Variants in PSD3 observed in about 807,000 individuals in gnomAD.
PSD3 encodes PH and SEC7 domain-containing protein 3.
In PSD3, 49 loss-of-function variants were observed where a neutral mutation model predicts 105.5. The observed-to-expected ratio is 0.46, with a 90% CI of 0.37 to 0.59. The LOEUF is 0.59. Ranked by LOEUF, PSD3 falls within the 20% of genes least tolerant of loss-of-function variation. The pLI is 0.00. For synonymous variants in PSD3, 557 were observed against 457.8 expected (o/e 1.22, Z -2.77); for missense variants, 1,561 against 1,263.8 (o/e 1.24, Z -3.57).
chr8:18,569,107 T>G (rs987129085), intron 14 of PSD3, among the ~76,000 whole-genome samples: 2 of 130,384 alleles, frequency 1.5e-5, no homozygotes, highest in Non-Finnish European at 3.3e-5. Context: ...AGTCTATCGT[T>G]GTTGGACATT....
chr8:18,702,950 T>C (rs1801677700), intron 9 of PSD3, among the ~76,000 whole-genome samples: 1 of 152,164 alleles, frequency 6.6e-6, no homozygotes, highest in Admixed American at 6.5e-5. Flanking sequence ...TTTACTGCTT[T>C]GTGTAGTGCC....
At chr8:18,645,828 T>G (rs764942458) in intron 10 of PSD3, among the ~76,000 whole-genome samples, 1 of 152,214 alleles carries the variant, frequency 6.6e-6, no homozygotes, top group African/African-American at 2.4e-5. Context: ...CAACAATAAA[T>G]GAATGCATTA....
intron 15 of PSD3, among the ~76,000 whole-genome samples, chr8:18,537,183 T>C (rs755549307): frequency 9.2e-5 from 14 of 152,234 alleles, no homozygotes; most frequent in Non-Finnish European, 4.4e-5. Context: ...ATGACATTTA[T>C]TGAGTACCAA....
chr8:18,586,469 T>C (rs1008769080), intron 12 of PSD3, among the ~76,000 whole-genome samples: 1 of 152,196 alleles, frequency 6.6e-6, no homozygotes, highest in South Asian at 2.1e-4. Context: ...TTGAGAAGTC[T>C]TGATGAAAGG....
chr8:18,636,678 A>C (rs1585457994), intron 10 of PSD3, among the ~76,000 whole-genome samples: 1 of 152,160 alleles, frequency 6.6e-6, no homozygotes, highest in Non-Finnish European at 1.5e-5. Context: ...CTTTAATGCC[A>C]TATTTGTTGC....
intron 8 of PSD3, among the ~76,000 whole-genome samples, chr8:18,798,030 C>G (rs574445203): frequency 6.6e-6 from 1 of 152,256 alleles, no homozygotes; most frequent in African/African-American, 2.4e-5. Flanking sequence ...TGAAAACTTG[C>G]TTGGCCAGTA....
chr8:18,666,664 G>A (rs1189816023), intron 9 of PSD3, among the ~76,000 whole-genome samples: 5 of 150,160 alleles, frequency 3.3e-5, no homozygotes, highest in Non-Finnish European at 7.4e-5. Context: ...AGGTAAGCTA[G>A]CACTCAGCTG....
At chr8:18,987,361 C>T (rs1039130498) in intron 1 of PSD3, among the ~76,000 whole-genome samples, 1 of 151,946 alleles carries the variant, frequency 6.6e-6, no homozygotes, top group Non-Finnish European at 1.5e-5. Flanking sequence ...AATCTCGGCT[C>T]ACTGCAAGCT....
intron 2 of PSD3, among the ~76,000 whole-genome samples, chr8:18,910,684 A>T (rs1007217505): frequency 2.0e-5 from 3 of 150,966 alleles, no homozygotes. Flanking sequence ...CCCAGGCCAT[A>T]TCCTCTTTCT....
At chr8:18,669,151 A>G (rs116052333) in intron 9 of PSD3, among the ~76,000 whole-genome samples, 3 of 152,320 alleles carry the variant, frequency 2.0e-5, no homozygotes, top group East Asian at 3.9e-4. Context: ...TACAATGACC[A>G]CAACAAATAT....
intron 1 of PSD3, among the ~76,000 whole-genome samples, chr8:18,982,775 G>T (rs1314160059): frequency 1.3e-5 from 2 of 152,224 alleles, no homozygotes; most frequent in African/African-American, 4.8e-5. Context: ...TAGACGTCCT[G>T]TCATACAGGC....
chr8:18,829,144 G>C (rs1813468885), intron 4 of PSD3, among the ~76,000 whole-genome samples: 1 of 152,086 alleles, frequency 6.6e-6, no homozygotes, highest in South Asian at 2.1e-4. Context: ...CTCCTAACGA[G>C]GCTGAGACAG....
chr8:18,799,353 T>C lies in PSD3; in HGVS notation c.2024A>G (p.Asp675Gly), dbSNP rs376601587. 7.5e-6 allele frequency: 12 copies of C among 1,596,806 alleles called. No homozygotes were observed. Among genetic ancestry groups the C allele is most frequent in the African/African-American group, 1.4e-5 (1 of 71,622 alleles). The change falls in exon 8 of 16, where the codon GAT becomes GGT. Residue 675 changes from aspartate (D) to glycine (G), a missense_variant and splice_region_variant. Coordinates refer to ENST00000327040, the MANE Select transcript of PSD3 (RefSeq NM_015310.4). ...YCNPDTIASQ[D>G]GVHCLTCAIM... Reference sequence around the variant, plus strand: ...TGCACAGGTAAGGCAATGGACTCCATCTAAAGAAAGATACAAGAAAAAAAA... The same window carrying C: ...TGCACAGGTAAGGCAATGGACTCCACCTAAAGAAAGATACAAGAAAAAAAA...
intron 9 of PSD3, among the ~76,000 whole-genome samples, chr8:18,659,193 C>T (rs1444755091): frequency 6.6e-6 from 1 of 152,104 alleles, no homozygotes; most frequent in African/African-American, 2.4e-5. Flanking sequence ...CGCAGCCTCC[C>T]CTATTTGTAT....
intron 9 of PSD3, among the ~76,000 whole-genome samples, chr8:18,744,192 G>C (rs1227541279): frequency 6.6e-6 from 1 of 152,112 alleles, no homozygotes; most frequent in Non-Finnish European, 1.5e-5. Flanking sequence ...TATGTGCCAA[G>C]TATCATCCTG....
intron 1 of PSD3, among the ~76,000 whole-genome samples, chr8:19,040,130 C>A (rs1435401637): frequency 6.6e-6 from 1 of 152,204 alleles, no homozygotes; most frequent in Non-Finnish European, 1.5e-5. Flanking sequence ...CAGGAACGAT[C>A]TCAAGATTCC....
intron 9 of PSD3, among the ~76,000 whole-genome samples, chr8:18,750,501 C>T (rs952647504): frequency 2.0e-5 from 3 of 152,040 alleles, no homozygotes; most frequent in Non-Finnish European, 4.4e-5. Context: ...ATAAAAGCAG[C>T]GTGGACCCAA....
At chr8:18,893,350 A>G (rs369007201) in intron 2 of PSD3, among the ~76,000 whole-genome samples, 4 of 152,220 alleles carry the variant, frequency 2.6e-5, no homozygotes, top group East Asian at 3.8e-4. Flanking sequence ...CCCTAAAAGT[A>G]GAAAAGTCAC....
chr8:19,076,114 G>T (rs887864380), intron 1 of PSD3, among the ~76,000 whole-genome samples: 1 of 139,802 alleles, frequency 7.2e-6, no homozygotes, highest in African/African-American at 2.6e-5. Flanking sequence ...ATAAAAATAC[G>T]GTGGAAGGGC....
Sources: gnomAD v4.1 joint callset for allele counts (sites outside exome capture counted in the v4.1 genomes callset) on GRCh38, gnomAD v4.1.1 for gene constraint, MANE v1.5 for transcripts, NCBI Gene and HGNC (gene_info 2026-07-23, HGNC 2026-07-21) for gene names.